CDKN2A: variants seen among roughly 807,000 people sequenced by gnomAD.
CDKN2A encodes cyclin dependent kinase inhibitor 2A.
Under a neutral mutation model 11.1 loss-of-function variants are expected in CDKN2A, and 3 were observed. That is an observed-to-expected ratio of 0.27 (90% CI 0.12 to 0.70). The LOEUF is 0.70. Among genes scored for constraint, CDKN2A ranks in the 30% least tolerant of loss-of-function variants. The probability of loss-of-function intolerance (pLI) is 0.77; values close to 1 mark genes in which losing one functional copy is unlikely to be tolerated. For missense variants in CDKN2A, 265 were observed against 233.6 expected, an observed-to-expected ratio of 1.13 and a Z score of -0.88; for synonymous variants, 122 against 108.1, an observed-to-expected ratio of 1.13 and a Z score of -0.80.
At chr9:21,973,979 C>A (rs1819899577) in intron 1 of CDKN2A, among the ~76,000 whole-genome samples, 2 of 152,142 alleles carry the variant, frequency 1.3e-5, no homozygotes, top group African/African-American at 4.8e-5. Context: ...CAACCTCAGC[C>A]TCCCGGGTTC....
At chr9:21,976,053 T>C (rs1820019724), upstream of CDKN2A, among the ~76,000 whole-genome samples, 3 of 152,250 alleles carry the variant, frequency 2.0e-5, no homozygotes, top group South Asian at 6.2e-4. Flanking sequence ...CTTTGAGGAC[T>C]GGCTTGCAAT....
At chr9:21,972,521 T>G (rs1819814838) in intron 1 of CDKN2A, among the ~76,000 whole-genome samples, 1 of 152,178 alleles carries the variant, frequency 6.6e-6, no homozygotes, top group Non-Finnish European at 1.5e-5. Context: ...GGAAACAGAT[T>G]GCCCCTTAGA....
rs772223866 is a variant in CDKN2A at position 21,968,186 on chromosome 9, T to C, written c.*43A>G. On this transcript the variant is annotated 3_prime_UTR_variant, in exon 3 of 3. Coordinates refer to ENST00000304494, the MANE Select transcript of CDKN2A (RefSeq NM_000077.5). This position sits in a 1 kb window ranked among gnomAD's most constrained non-coding sequence, Gnocchi z 4.7. ...GCCCTGTAGGACCTTCGGTGACTGA[T>C]GATCTAAGTTTCCCGAGGTTTCTCA... 1.3e-6 allele frequency: 2 copies of C among 1,591,918 alleles called. No homozygotes were observed. Among genetic ancestry groups the C allele is most frequent in the Admixed American group, 1.7e-5 (1 of 59,960 alleles).
At chr9:21,977,870 G>A (rs1311314094), upstream of CDKN2A, among the ~76,000 whole-genome samples, 1 of 152,100 alleles carries the variant, frequency 6.6e-6, no homozygotes, top group African/African-American at 2.4e-5. Context: ...CCTACATCAA[G>A]AACTCTTTCA....
intron 2 of CDKN2A, among the ~76,000 whole-genome samples, chr9:21,989,140 CAT>C (rs1405280736): frequency 1.3e-5 from 2 of 152,188 alleles, no homozygotes; most frequent in African/African-American, 4.8e-5. Context: ...ATTGTAAACA[CAT>C]GTGGGTTTGC....
At position 21,968,063 on chromosome 9, in the gene CDKN2A, A is replaced by C; in HGVS notation, c.*166T>G. The C allele has an allele frequency of 1.5e-6, 1 of 670,662 alleles. No individual in the cohort carries two copies. 41.5% of individuals were successfully genotyped at this position (670,662 alleles called of 1,614,324 possible). On this transcript the variant is annotated 3_prime_UTR_variant, in exon 3 of 3. Transcript: ENST00000304494. This position sits in a 1 kb window ranked among gnomAD's most constrained non-coding sequence, Gnocchi z 4.7. ...AATGGACATTTACGGTAGTGGGGGA[A>C]GGCATATATCTACGTTAAAAGGCAG...
chr9:21,986,333 T>G (rs1046505294), intron 2 of CDKN2A, among the ~76,000 whole-genome samples: 2 of 152,010 alleles, frequency 1.3e-5, no homozygotes, highest in African/African-American at 4.8e-5. Context: ...CTGGTTTTAT[T>G]TTGGTCAAAA....
rs750655995 is a variant in CDKN2A at position 21,971,015 on chromosome 9, A to T, written c.344T>A (p.Val115Glu). ...ATGGCCCAGCTCCTCAGCCAGGTCC[A>T]CGGGCAGACGGCCCCAGGCATCGCG... The part of the protein sequence containing the change: ...DVRDAWGRLP[V>E]DLAEELGHRD... Residue 115 changes from valine (V) to glutamate (E), a missense_variant, in exon 2 of 3, where the codon GTG becomes GAG. Physicochemically the swap from Val to Glu is moderately radical, Grantham distance 121 (BLOSUM62 -2). Coordinates refer to ENST00000304494, the MANE Select transcript of CDKN2A (RefSeq NM_000077.5). The T allele has an allele frequency of 6.2e-6, 10 of 1,607,670 alleles. No homozygotes were observed. In the East Asian group the frequency reaches 2.2e-4, roughly 36 times the overall value.
At chr9:21,969,864 A>C (rs1015648238) in intron 2 of CDKN2A, 3 of 397,862 alleles carry the variant, frequency 7.5e-6, no homozygotes, top group African/African-American at 6.2e-5. Context: ...TTAACTTCGA[A>C]GGTGATTTTG....
intron 2 of CDKN2A, among the ~76,000 whole-genome samples, chr9:21,969,245 A>C (rs904948158): frequency 2.6e-5 from 4 of 152,074 alleles, no homozygotes; most frequent in African/African-American, 9.7e-5. Flanking sequence ...AAACAAACCC[A>C]GGCGTCGTGG....
chr9:21,986,279 T>C (rs190299660), intron 2 of CDKN2A, among the ~76,000 whole-genome samples: 2 of 152,110 alleles, frequency 1.3e-5, no homozygotes, highest in Admixed American at 1.3e-4. Flanking sequence ...TAAATTAAGG[T>C]AGGAATAAGT....
At chr9:21,976,275 A>G (rs530203276), upstream of CDKN2A, among the ~76,000 whole-genome samples, 1 of 151,388 alleles carries the variant, frequency 6.6e-6, no homozygotes, top group African/African-American at 2.4e-5. Flanking sequence ...GCTACTCAGG[A>G]GGCTGAGGCA....
Position 21,987,430 on chromosome 9 carries a change from CACAGAGAGAGAGAG to C in CDKN2A, c.-4+6438_-4+6451del, listed in dbSNP as rs1313656568. On this transcript the variant is annotated intron_variant, in intron 2 of 3. Transcript: ENST00000494262. ...ACACACACACACACACACACACACA[CACAGAGAGAGAGAG>C]AGAGAGAGAGAGATCCATTCATCCT... Among the ~76,000 whole-genome samples the C allele has an allele frequency of 2.5e-3, 306 of 121,296 alleles. 1 individual carries two copies. The highest frequency in any genetic ancestry group is 8.7e-3 in the African/African-American group (284 of 32,476). 79.6% of individuals were successfully genotyped at this position (121,296 alleles called of 152,430 possible). A position where few individuals can be genotyped will look rare whatever the true frequency, so the allele number is the denominator to read the frequency against.
At position 21,968,893 on chromosome 9, in the gene CDKN2A, G is replaced by A. The variant is rs1819547424; in HGVS notation, c.458-651C>T. ...CCCGAGGCAGCATTTACACTTGAGA[G>A]TCTCAAGATTATTTTATTCCTGAGG... On this transcript the variant is annotated intron_variant, in intron 2 of 2. Coordinates refer to ENST00000304494, the MANE Select transcript of CDKN2A (RefSeq NM_000077.5). The surrounding 1 kb of genome is among the most constrained non-coding windows in gnomAD (Gnocchi z 4.7). The A allele has an allele frequency of 1.1e-6, 1 of 929,178 alleles. No individual in the cohort carries two copies. The highest frequency in any genetic ancestry group is 1.7e-6 in the Non-Finnish European group (1 of 597,980). The allele number at this position is 929,178 out of a possible 1,614,324, so 57.6% of individuals were successfully genotyped here. A position where few individuals can be genotyped will look rare whatever the true frequency, so the allele number is the denominator to read the frequency against.
chr9:21,975,448 A>G (rs564914005), upstream of CDKN2A, among the ~76,000 whole-genome samples: 2 of 151,918 alleles, frequency 1.3e-5, no homozygotes, highest in African/African-American at 2.4e-5. Flanking sequence ...AATCACCTGT[A>G]CGACTAGAAA....
intron 1 of CDKN2A, chr9:21,994,071 G>C: frequency 6.6e-7 from 1 of 1,523,816 alleles, no homozygotes; most frequent in Non-Finnish European, 8.9e-7. Context: ...CGAATTATCT[G>C]TTTACGAAAT....
At chr9:21,992,772 A>G (rs1255789097) in intron 2 of CDKN2A, among the ~76,000 whole-genome samples, 1 of 152,010 alleles carries the variant, frequency 6.6e-6, no homozygotes, top group Non-Finnish European at 1.5e-5. Context: ...AATAATATTA[A>G]GAACTATATT....
intron 2 of CDKN2A, among the ~76,000 whole-genome samples, chr9:21,980,147 A>G (rs1820137340): frequency 6.6e-6 from 1 of 152,158 alleles, no homozygotes; most frequent in African/African-American, 2.4e-5. Flanking sequence ...CTATTTTTTG[A>G]CTGCAAAATC....
At chr9:21,994,427 T>C (rs965965782) in intron 1 of CDKN2A, 1 of 1,594,080 alleles carries the variant, frequency 6.3e-7, no homozygotes, top group Non-Finnish European at 8.5e-7. Flanking sequence ...AACTGCAGAC[T>C]GGGACCCACG....
Sources: gnomAD v4.1 joint callset for allele counts (sites outside exome capture counted in the v4.1 genomes callset) on GRCh38, gnomAD v4.1.1 for gene constraint, Gnocchi (gnomAD v3.1) non-coding constraint, MANE v1.5 for transcripts, NCBI Gene and HGNC (gene_info 2026-07-23, HGNC 2026-07-21) for gene names.